Variants in CRB1 observed in about 807,000 individuals in gnomAD.
The protein encoded by CRB1 is protein crumbs homolog 1.
A neutral mutation model predicts 120.0 loss-of-function variants in CRB1; 83 were observed. That is an observed-to-expected ratio of 0.69 (90% confidence interval 0.58 to 0.83). The LOEUF (loss-of-function observed/expected upper bound fraction) is 0.83, where lower values mean the gene tolerates loss of function less well. CRB1 is among the 40% of genes least tolerant of loss of function. CRB1 has a pLI of 0.00. For missense variants in CRB1, 1,699 were observed against 1,687.6 expected, an observed-to-expected ratio of 1.01 and a Z score of -0.12; for synonymous variants, 625 against 612.5, an observed-to-expected ratio of 1.02 and a Z score of -0.30.
intron 8 of CRB1, among the ~76,000 whole-genome samples, chr1:197,431,082 A>G (rs1336021256): frequency 6.6e-6 from 1 of 152,002 alleles, no homozygotes; most frequent in Non-Finnish European, 1.5e-5. Context: ...AAATAAAAAT[A>G]AAAATAAAAA....
intron 5 of CRB1, among the ~76,000 whole-genome samples, chr1:197,403,422 T>G (rs1234428743): frequency 6.6e-6 from 1 of 152,208 alleles, no homozygotes; most frequent in African/African-American, 2.4e-5. Context: ...GCTGATGGCT[T>G]CTCGGGAAGT....
chr1:197,461,904 G>T (rs1666548771), intron 11 of CRB1, among the ~76,000 whole-genome samples: 1 of 152,160 alleles, frequency 6.6e-6, no homozygotes, highest in Non-Finnish European at 1.5e-5. Context: ...GAACTCTGAA[G>T]TTGACAGGAA....
the CRB1 span, among the ~76,000 whole-genome samples, chr1:197,261,615 A>G: frequency 6.6e-6 from 1 of 152,324 alleles, no homozygotes; most frequent in Non-Finnish European, 1.5e-5. Context: ...AGTGGTATAA[A>G]ACGATATTCA....
chr1:197,264,560 G>A (rs576381480), upstream of CRB1, among the ~76,000 whole-genome samples: 11 of 150,716 alleles, frequency 7.3e-5, no homozygotes, highest in African/African-American at 2.2e-4. Context: ...ATTGTTTTCC[G>A]TAAAGGTTGT....
At chr1:197,422,313 GA>G (rs79576083) in intron 6 of CRB1, among the ~76,000 whole-genome samples, 51,006 of 145,970 alleles carry the variant, frequency 0.35, 9,642 homozygotes, top group Middle Eastern at 0.49. Flanking sequence ...ATAATCTTTT[GA>G]AAAAAAAAAA....
intron 5 of CRB1, among the ~76,000 whole-genome samples, chr1:197,401,248 T>G (rs1303093989): frequency 6.6e-6 from 1 of 152,132 alleles, no homozygotes; most frequent in Non-Finnish European, 1.5e-5. Context: ...TTGTATATTA[T>G]TTTGTTGATG....
intron 1 of CRB1, among the ~76,000 whole-genome samples, chr1:197,289,331 T>C (rs1054218010): frequency 2.0e-5 from 3 of 151,836 alleles, no homozygotes; most frequent in Non-Finnish European, 4.4e-5. Context: ...TCTGTCTTTT[T>C]TCTTCTATGG....
chr1:197,423,452 G>C (rs560051987), intron 6 of CRB1, among the ~76,000 whole-genome samples: 2 of 152,258 alleles, frequency 1.3e-5, no homozygotes, highest in Non-Finnish European at 2.9e-5. Context: ...CAGACAGAGA[G>C]AGTTCTGTGA....
intron 11 of CRB1, among the ~76,000 whole-genome samples, chr1:197,466,878 A>T (rs1666768740): frequency 1.3e-5 from 2 of 152,250 alleles, no homozygotes; most frequent in Admixed American, 1.3e-4. Context: ...CAGTGACACC[A>T]GTCGATCATA....
the CRB1 span, among the ~76,000 whole-genome samples, chr1:197,206,390 A>C: frequency 1.2e-3 from 180 of 152,248 alleles, 1 homozygote; most frequent in African/African-American, 4.0e-3. Flanking sequence ...TAGGCATTTA[A>C]GGCTATGAAC....
At chr1:197,407,646 C>T (rs182588360) in intron 5 of CRB1, among the ~76,000 whole-genome samples, 53 of 152,244 alleles carry the variant, frequency 3.5e-4, no homozygotes, top group African/African-American at 1.3e-3. Context: ...GCTATCTGAG[C>T]CCGATCTTGA....
chr1:197,220,178 A>G, the CRB1 span, among the ~76,000 whole-genome samples: 1 of 152,218 alleles, frequency 6.6e-6, no homozygotes, highest in East Asian at 1.9e-4. Flanking sequence ...ACTAAAATTG[A>G]TTGCAAAAAA....
At chr1:197,371,701 A>G (rs1661378252) in intron 5 of CRB1, among the ~76,000 whole-genome samples, 2 of 152,248 alleles carry the variant, frequency 1.3e-5, no homozygotes, top group Admixed American at 6.5e-5. Flanking sequence ...CCTTGCACCC[A>G]ACTCCCACAG....
At chr1:197,416,991 G>A (rs1664039910) in intron 5 of CRB1, among the ~76,000 whole-genome samples, 1 of 152,232 alleles carries the variant, frequency 6.6e-6, no homozygotes, top group Admixed American at 6.5e-5. Flanking sequence ...ACAGGTGTGA[G>A]CCACCGTGCC....
In CRB1 at chr1:197,356,985, T is replaced by C. The variant is rs777205072; in HGVS notation, c.1143T>C (p.Tyr381=). Residue 381 remains tyrosine, a synonymous_variant, in exon 5 of 12, where the codon TAT becomes TAC. Transcript: ENST00000367400. Reference sequence around the variant, plus strand: ...TCAGCTACCATGAAGCCTCAGGTTATGTCTGTATCTGTCAGCCTGGATTCA... The same window carrying C: ...TCAGCTACCATGAAGCCTCAGGTTACGTCTGTATCTGTCAGCCTGGATTCA... ...SSFSYHEASG[Y]VCICQPGFTG... 1.1e-5 allele frequency: 17 copies of C among 1,614,128 alleles called. No individual in the cohort carries two copies. Among genetic ancestry groups the C allele is most frequent in the East Asian group, 2.2e-5 (1 of 44,890 alleles).
intron 11 of CRB1, among the ~76,000 whole-genome samples, chr1:197,447,853 CAAAAAAAA>C (rs397861586): frequency 3.3e-5 from 2 of 60,014 alleles, no homozygotes; most frequent in Non-Finnish European, 7.0e-5. Context: ...GAACCTGTCT[CAAAAAAAA>C]AAAAAAAAAA....
intron 2 of CRB1, among the ~76,000 whole-genome samples, chr1:197,330,792 A>AC (rs71750942): frequency 2.5e-3 from 380 of 150,652 alleles, no homozygotes; most frequent in Middle Eastern, 6.8e-3. Flanking sequence ...ATGTTTTTGC[A>AC]CCCCCCCCCA....
At chr1:197,413,854 C>T (rs1663830548) in intron 5 of CRB1, 1 of 446,468 alleles carries the variant, frequency 2.2e-6, no homozygotes, top group Non-Finnish European at 4.5e-6. Context: ...CATTGAAGAA[C>T]AAGCCCACAC....
chr1:197,268,258 T>A lies in CRB1; in HGVS notation c.-155T>A, dbSNP rs1654706911. The A allele has an allele frequency of 5.7e-6, 4 of 698,322 alleles. No individual in the cohort carries two copies. Among genetic ancestry groups the A allele is most frequent in the Non-Finnish European group, 1.1e-5 (4 of 378,246 alleles). 43.3% of individuals were successfully genotyped at this position (698,322 alleles called of 1,614,324 possible). On this transcript the variant is annotated 5_prime_UTR_variant, in exon 1 of 12. Transcript: ENST00000367400. Reference sequence around the variant, plus strand: ...AAACTGCATTTTGAATCTAAGTCCCTGTATTTTCTGTGAAGGAGCTGTAAG... The same window carrying A: ...AAACTGCATTTTGAATCTAAGTCCCAGTATTTTCTGTGAAGGAGCTGTAAG...
Sources: gnomAD v4.1 joint callset for allele counts (sites outside exome capture counted in the v4.1 genomes callset) on GRCh38, gnomAD v4.1.1 for gene constraint, MANE v1.5 for transcripts, NCBI Gene and HGNC (gene_info 2026-07-23, HGNC 2026-07-21) for gene names.